The following NTN1 variants were observed in gnomAD, a reference collection of about 807,000 sequenced individuals.
NTN1 encodes the protein netrin 1, also known as netrin-1.
NTN1 carries 11 observed loss-of-function variants against 54.2 expected under a neutral mutation model. The ratio of observed to expected loss-of-function variants is 0.20; its 90% CI spans 0.13 to 0.34. The LOEUF is 0.34. Ranked by LOEUF, NTN1 falls within the 10% of genes least tolerant of loss-of-function variation. NTN1 has a pLI of 1.00. For synonymous variants in NTN1, 371 were observed against 382.0 expected, an observed-to-expected ratio of 0.97 and a Z score of 0.33; for missense variants, 740 against 893.1, an observed-to-expected ratio of 0.83 and a Z score of 2.18.
rs1156236833 is a variant in NTN1, at chr17:9,219,998, C to T, written c.1412-1170C>T. On this transcript the variant is annotated intron_variant, in intron 5 of 6. Transcript: ENST00000173229. The surrounding 1 kb of genome is among the most constrained non-coding windows in gnomAD (Gnocchi z 4.5). ...CTCCCTGCAGCTCCCCGCTCCTCCC[C>T]GCTGGCCAGCCTGGCTGGTCTTCCC... Among the ~76,000 whole-genome samples, 4 of 152,248 alleles carry T rather than the reference C, an allele frequency of 2.6e-5. No individual in the cohort carries two copies. Among genetic ancestry groups the T allele is most frequent in the African/African-American group, 7.2e-5 (3 of 41,454 alleles).
At chr17:9,180,078 G>T in intron 4 of NTN1, 122 bp downstream of exon 4, 1 of 1,113,814 alleles carries the variant, frequency 9.0e-7, no homozygotes, top group South Asian at 1.7e-5. Flanking sequence ...TCACTGTGTC[G>T]CCCAGGCTGG....
At chr17:9,035,939 C>T (rs1297232290) in intron 2 of NTN1, among the ~76,000 whole-genome samples, 1 of 152,184 alleles carries the variant, frequency 6.6e-6, no homozygotes, top group Middle Eastern at 3.2e-3. Flanking sequence ...TGAGAATTGC[C>T]TGAACCTGGG....
At chr17:9,095,347 G>T (rs1280154945) in intron 2 of NTN1, among the ~76,000 whole-genome samples, 1 of 152,126 alleles carries the variant, frequency 6.6e-6, no homozygotes, top group African/African-American at 2.4e-5. Flanking sequence ...TCAATAAGAG[G>T]TTATAAGATA....
intron 2 of NTN1, among the ~76,000 whole-genome samples, chr17:9,150,074 C>T (rs559725050): frequency 3.9e-5 from 6 of 152,158 alleles, no homozygotes; most frequent in East Asian, 1.9e-4. Context: ...TGGTGGCGGG[C>T]GCCTGTAATC....
chr17:9,047,492 C>G (rs1055841442), intron 2 of NTN1, among the ~76,000 whole-genome samples: 3 of 152,158 alleles, frequency 2.0e-5, no homozygotes, highest in African/African-American at 7.2e-5. Flanking sequence ...GTCATCTGTT[C>G]AGGTTTTATC....
At chr17:9,037,342 C>T (rs1050146102) in intron 2 of NTN1, among the ~76,000 whole-genome samples, 21 of 152,108 alleles carry the variant, frequency 1.4e-4, no homozygotes, top group African/African-American at 4.8e-4. Context: ...CTGATCCTCT[C>T]GCTTATTTTG....
intron 2 of NTN1, among the ~76,000 whole-genome samples, chr17:9,080,605 T>A (rs2092067408): frequency 6.6e-6 from 1 of 152,224 alleles, no homozygotes. Context: ...GGTTGGTGGC[T>A]GGCAGCCTCC....
chr17:9,222,907 A>C (rs1028062090), intron 6 of NTN1, among the ~76,000 whole-genome samples: 2 of 152,150 alleles, frequency 1.3e-5, no homozygotes, highest in Non-Finnish European at 2.9e-5. Context: ...TATGTGAGAG[A>C]GTTCATACGC....
chr17:9,168,525 G>A (rs897722062), intron 3 of NTN1, among the ~76,000 whole-genome samples: 5 of 138,110 alleles, frequency 3.6e-5, no homozygotes, highest in East Asian at 2.0e-4. Flanking sequence ...AGAGTGAAAC[G>A]CCGTCTCAAA....
chr17:9,143,537 C>G (rs1371660379), intron 2 of NTN1, among the ~76,000 whole-genome samples: 2 of 152,164 alleles, frequency 1.3e-5, no homozygotes, highest in African/African-American at 4.8e-5. Flanking sequence ...AACTGTGGCT[C>G]TCTCTCCTGA....
intron 2 of NTN1, among the ~76,000 whole-genome samples, chr17:9,144,430 C>T (rs996857806): frequency 3.3e-5 from 5 of 152,174 alleles, no homozygotes; most frequent in African/African-American, 9.7e-5. Flanking sequence ...TGATCAAACA[C>T]ACCCAAGGTC....
At chr17:9,067,277 A>AC (rs1355793020) in intron 2 of NTN1, among the ~76,000 whole-genome samples, 1 of 151,772 alleles carries the variant, frequency 6.6e-6, no homozygotes, top group East Asian at 1.9e-4. Context: ...AAAAAAAAAA[A>AC]AAAATGGCAT....
At chr17:9,124,228 T>C (rs561377470) in intron 2 of NTN1, among the ~76,000 whole-genome samples, 3 of 152,364 alleles carry the variant, frequency 2.0e-5, no homozygotes, top group African/African-American at 4.8e-5. Flanking sequence ...TCTTCCATAA[T>C]TGGGTGTGCC....
intron 2 of NTN1, among the ~76,000 whole-genome samples, chr17:9,071,181 C>T (rs967465600): frequency 6.6e-6 from 1 of 152,182 alleles, no homozygotes; most frequent in Non-Finnish European, 1.5e-5. Flanking sequence ...CCTCTGTCAG[C>T]GGTCATGAGG....
At chr17:9,097,552 G>T (rs2092135880) in intron 2 of NTN1, among the ~76,000 whole-genome samples, 2 of 152,140 alleles carry the variant, frequency 1.3e-5, no homozygotes, top group Non-Finnish European at 2.9e-5. Flanking sequence ...TTGAACCTAG[G>T]AGGTGGAGGT....
At chr17:9,005,937 A>T in the NTN1 span, among the ~76,000 whole-genome samples, 5 of 152,200 alleles carry the variant, frequency 3.3e-5, no homozygotes, top group Non-Finnish European at 7.3e-5. Context: ...CAGACAGTAC[A>T]AATGTGCCCA....
upstream of NTN1, among the ~76,000 whole-genome samples, chr17:9,020,837 T>C (rs1243073378): frequency 1.3e-5 from 2 of 152,088 alleles, no homozygotes; most frequent in African/African-American, 4.8e-5. Flanking sequence ...CCACCACTGC[T>C]CCCTTGGCTA....
At chr17:9,205,979 G>A (rs3785985) in intron 5 of NTN1, among the ~76,000 whole-genome samples, 3 of 152,150 alleles carry the variant, frequency 2.0e-5, no homozygotes, top group Admixed American at 1.3e-4. Flanking sequence ...TGCCGCAGAC[G>A]GGCTGAGCTC....
chr17:9,117,533 C>A (rs1221936995), intron 2 of NTN1, among the ~76,000 whole-genome samples: 1 of 152,036 alleles, frequency 6.6e-6, no homozygotes, highest in South Asian at 2.1e-4. Flanking sequence ...ATCACAAGGT[C>A]AGGAGTTCGA....
Sources: gnomAD v4.1 joint callset for allele counts (sites outside exome capture counted in the v4.1 genomes callset) on GRCh38, gnomAD v4.1.1 for gene constraint, Gnocchi (gnomAD v3.1) non-coding constraint, MANE v1.5 for transcripts, NCBI Gene and HGNC (gene_info 2026-07-23, HGNC 2026-07-21) for gene names.